The following COP1 variants were observed in gnomAD, a reference collection of about 807,000 sequenced individuals.
COP1 encodes COP1 E3 ubiquitin ligase.
A neutral mutation model predicts 101.3 loss-of-function variants in COP1; 24 were observed. The ratio of observed to expected loss-of-function variants is 0.24; its 90% CI spans 0.17 to 0.33. The LOEUF is 0.33. COP1 is among the 10% of genes least tolerant of loss of function. The pLI, the probability that COP1 is intolerant of heterozygous loss-of-function variation, is 1.00. For synonymous variants in COP1, 347 were observed against 341.9 expected, an observed-to-expected ratio of 1.01 and a Z score of -0.17; for missense variants, 663 against 906.2, an observed-to-expected ratio of 0.73 and a Z score of 3.45.
At chr1:176,082,602 T>C (rs1288485876) in intron 10 of COP1, among the ~76,000 whole-genome samples, 2 of 151,626 alleles carry the variant, frequency 1.3e-5, no homozygotes, top group Non-Finnish European at 2.9e-5. Flanking sequence ...AGGTCGGGAG[T>C]TCGAGACCAG....
intron 15 of COP1, among the ~76,000 whole-genome samples, chr1:176,022,412 A>G (rs1666909711): frequency 6.6e-6 from 1 of 152,178 alleles, no homozygotes; most frequent in South Asian, 2.1e-4. Flanking sequence ...AGTACAGCCC[A>G]TTCCTAATGT....
chr1:176,169,957 T>C (rs1317449410), intron 3 of COP1, among the ~76,000 whole-genome samples: 2 of 152,236 alleles, frequency 1.3e-5, no homozygotes, highest in Admixed American at 1.3e-4. Context: ...TTGATGTCAT[T>C]TCAACAATGT....
chr1:176,040,536 C>T lies in COP1; in HGVS notation c.1612+2650G>A, dbSNP rs576860618. On this transcript the variant is annotated intron_variant, in intron 14 of 19. Transcript: ENST00000367669. ...TCTCATGCAGGCTGGTCTCAAACTT[C>T]TGACCTCAAGCCATCCTCCTGCCTC... Among the ~76,000 whole-genome samples, 50 of 152,224 alleles carry T rather than the reference C, an allele frequency of 3.3e-4. No homozygotes were observed. The South Asian group carries it at 0.01, about 32-fold the overall frequency.
chr1:176,099,127 C>A (rs1383757612), intron 9 of COP1, among the ~76,000 whole-genome samples: 1 of 138,638 alleles, frequency 7.2e-6, no homozygotes, highest in African/African-American at 2.4e-5. Context: ...CTGTAACTAC[C>A]CTGGACATTT....
chr1:176,184,296 T>C (rs1698174720), intron 2 of COP1, among the ~76,000 whole-genome samples: 1 of 152,196 alleles, frequency 6.6e-6, no homozygotes, highest in Non-Finnish European at 1.5e-5. Context: ...TTCTCCAACC[T>C]ATCCCCACAA....
At chr1:176,124,811 C>T (rs1352789230) in intron 8 of COP1, among the ~76,000 whole-genome samples, 1 of 152,068 alleles carries the variant, frequency 6.6e-6, no homozygotes. Flanking sequence ...GCGTAATATG[C>T]TATTATTTTT....
chr1:176,150,147 G>C (rs991274403), intron 5 of COP1, among the ~76,000 whole-genome samples: 1 of 152,140 alleles, frequency 6.6e-6, no homozygotes, highest in Admixed American at 6.6e-5. Flanking sequence ...GAATCACTAA[G>C]ATATAACACG....
At chr1:176,101,141 C>T (rs1683328943) in intron 9 of COP1, among the ~76,000 whole-genome samples, 1 of 152,148 alleles carries the variant, frequency 6.6e-6, no homozygotes, top group African/African-American at 2.4e-5. Context: ...TACTCCCACC[C>T]TGTAGCATGC....
intron 6 of COP1, among the ~76,000 whole-genome samples, chr1:176,146,064 T>C (rs1691548719): frequency 6.6e-6 from 1 of 152,102 alleles, no homozygotes; most frequent in Non-Finnish European, 1.5e-5. Context: ...AAATTCCAAG[T>C]AAAACCAAAA....
chr1:176,091,453 C>T (rs924235393), intron 9 of COP1, among the ~76,000 whole-genome samples: 19 of 151,400 alleles, frequency 1.3e-4, no homozygotes, highest in East Asian at 5.8e-4. Flanking sequence ...AGCAAGGAAA[C>T]GAGCAAATAA....
chr1:176,030,790 A>G lies in COP1; in HGVS notation c.1613-3102T>C, dbSNP rs575051235. ...AAACAGGTGTTAATTGTGTTCCCCA[A>G]AAAGACATGTTTCAGTCCTAACCCC... On this transcript the variant is annotated intron_variant, in intron 14 of 19. Transcript: ENST00000367669. Among the ~76,000 whole-genome samples the G allele has an allele frequency of 2.0e-5, 3 of 152,310 alleles. No homozygotes were observed. The East Asian group carries it at 5.8e-4, about 29-fold the overall frequency.
At chr1:176,204,121 C>T (rs937295591) in intron 1 of COP1, among the ~76,000 whole-genome samples, 6 of 142,162 alleles carry the variant, frequency 4.2e-5, no homozygotes, top group African/African-American at 1.5e-4. Context: ...TCTAATTGCA[C>T]ACAAAGAAAA....
intron 15 of COP1, among the ~76,000 whole-genome samples, chr1:175,995,984 T>C (rs1264832076): frequency 6.6e-6 from 1 of 152,176 alleles, no homozygotes; most frequent in Non-Finnish European, 1.5e-5. Flanking sequence ...TGAACATTGA[T>C]GCAAAAATCC....
chr1:176,170,019 G>C (rs1695800236), intron 3 of COP1, among the ~76,000 whole-genome samples: 1 of 152,176 alleles, frequency 6.6e-6, no homozygotes, highest in Admixed American at 6.5e-5. Context: ...CACTTTCTTT[G>C]TTCATCCATA....
chr1:176,206,948 A>T lies in COP1; in HGVS notation c.31T>A (p.Ser11Thr), dbSNP rs751499796. Residue 11 changes from serine to threonine, a missense_variant, in exon 1 of 20, where the codon TCC becomes ACC. Ser to Thr is a moderately conservative substitution (Grantham distance 58). Transcript: ENST00000367669. MSGSRQAGSGSAGTSPGSSAA... is the reference protein window; with the variant it reads MSGSRQAGSGTAGTSPGSSAA... ...GAGGACCCGGGGCTTGTCCCAGCGGAGCCCGACCCGGCCTGGCGGCTACCA... is the reference window on the plus strand; with the variant it reads ...GAGGACCCGGGGCTTGTCCCAGCGGTGCCCGACCCGGCCTGGCGGCTACCA... 276 of 1,447,944 alleles carry T rather than the reference A, an allele frequency of 1.9e-4. 2 individuals are homozygous for T. Among genetic ancestry groups the T allele is most frequent in the East Asian group, 1.9e-3 (61 of 32,972 alleles). 89.7% of individuals were successfully genotyped at this position (1,447,944 alleles called of 1,614,324 possible).
intron 14 of COP1, among the ~76,000 whole-genome samples, chr1:176,037,065 C>T (rs1224518548): frequency 2.0e-5 from 3 of 152,108 alleles, no homozygotes; most frequent in African/African-American, 7.2e-5. Context: ...AAGAAAACTA[C>T]ACGCCCAGAA....
In COP1 at chr1:176,162,875, C is replaced by A; in HGVS notation, c.756G>T (p.Leu252=). ...AAGTTTAGCTACCACTTACTGCTTC[C>A]AGTTGTTTCTTCTTCTGCACTAGTA... ...LELLVQKKKQ[L]EAESHAAQLQ... The change falls in exon 5 of 20, where the codon CTG becomes CTT. Residue 252 remains leucine (L), a synonymous_variant. Transcript: ENST00000367669. 1 of 1,590,850 alleles carries A rather than the reference C, an allele frequency of 6.3e-7. No homozygotes were observed. Among genetic ancestry groups the A allele is most frequent in the Non-Finnish European group, 8.5e-7 (1 of 1,170,368 alleles).
rs1292309229 is a variant in COP1 at position 176,063,226 on chromosome 1, A to AT, written c.1278-16903dup. On this transcript the variant is annotated intron_variant, in intron 11 of 19. Transcript: ENST00000367669. ...AGGCGCCCGCCACCGCGCCTGGCTAATTTTTTTGTATTTTTAGTAGAGACG... is the reference window on the plus strand; with the variant it reads ...AGGCGCCCGCCACCGCGCCTGGCTAATTTTTTTTGTATTTTTAGTAGAGACG... 2.7e-5 allele frequency among the ~76,000 whole-genome samples: 4 copies of AT among 149,954 alleles called. No homozygotes were observed. The East Asian group carries it at 7.9e-4, about 29-fold the overall frequency.
chr1:176,129,631 G>C (rs1479622711), intron 8 of COP1, among the ~76,000 whole-genome samples: 2 of 151,724 alleles, frequency 1.3e-5, no homozygotes, highest in African/African-American at 4.8e-5. Flanking sequence ...ATCTTATAAA[G>C]CATACCCAGC....
Sources: allele counts gnomAD v4.1 joint callset (sites outside exome capture counted in the v4.1 genomes callset), GRCh38; gene constraint gnomAD v4.1.1; transcripts MANE v1.5; gene names NCBI Gene and HGNC (gene_info 2026-07-23, HGNC 2026-07-21).